GLRA1: variants seen among roughly 807,000 people sequenced by gnomAD.
GLRA1 encodes the protein glycine receptor subunit alpha-1.
A neutral mutation model predicts 48.3 loss-of-function variants in GLRA1; 37 were observed. That is an observed-to-expected ratio of 0.77 (90% CI 0.59 to 1.01). GLRA1 has a LOEUF of 1.01. Ranked by LOEUF, GLRA1 falls within the 50% of genes least tolerant of loss-of-function variation. GLRA1 has a pLI of 0.00. For missense variants in GLRA1, 427 were observed against 571.0 expected (o/e 0.75, Z 2.57); for synonymous variants, 196 against 210.7 (o/e 0.93, Z 0.60).
chr5:151,823,605 C>T (rs1402008988), intron 8 of GLRA1, among the ~76,000 whole-genome samples: 2 of 152,218 alleles, frequency 1.3e-5, no homozygotes, highest in South Asian at 2.1e-4. Context: ...CCTGCCTCTA[C>T]GTTCCCACAT....
At chr5:151,866,013 G>C (rs77425912) in intron 3 of GLRA1, among the ~76,000 whole-genome samples, 2 of 152,146 alleles carry the variant, frequency 1.3e-5, no homozygotes, top group Non-Finnish European at 2.9e-5. Context: ...TTCGACATGC[G>C]GGGGGCCATG....
In GLRA1 at chr5:151,867,187, T is replaced by C. The variant is rs114091016; in HGVS notation, c.253-7179A>G. On this transcript the variant is annotated intron_variant, in intron 3 of 8. Coordinates refer to ENST00000274576, the MANE Select transcript of GLRA1 (RefSeq NM_000171.4). ...CCATTAGAGATGATTTCCAGCCAAGTTGGGCAAATCTGGAAAAGCTTTTCA... is the reference window on the plus strand; with the variant it reads ...CCATTAGAGATGATTTCCAGCCAAGCTGGGCAAATCTGGAAAAGCTTTTCA... 5.1e-3 allele frequency among the ~76,000 whole-genome samples: 783 copies of C among 152,316 alleles called. 10 individuals are homozygous for C. The highest frequency in any genetic ancestry group is 0.017 in the African/African-American group (698 of 41,572).
At chr5:151,921,449 G>C (rs994650424) in intron 1 of GLRA1, among the ~76,000 whole-genome samples, 1 of 152,216 alleles carries the variant, frequency 6.6e-6, no homozygotes, top group Non-Finnish European at 1.5e-5. Context: ...GGGAGGTAGT[G>C]CTACTAGCAC....
chr5:151,863,320 G>A (rs1432429030), intron 3 of GLRA1, among the ~76,000 whole-genome samples: 1 of 152,268 alleles, frequency 6.6e-6, no homozygotes, highest in East Asian at 1.9e-4. Flanking sequence ...TACTCAGGAG[G>A]CTGAGGTAGG....
intron 7 of GLRA1, among the ~76,000 whole-genome samples, chr5:151,835,044 AAAAAAAG>A (rs1424144360): frequency 5.2e-4 from 79 of 150,912 alleles, no homozygotes; most frequent in African/African-American, 1.8e-3. Context: ...AAAAAAAAAA[AAAAAAAG>A]AGAAGAATGA....
chr5:151,909,167 G>T (rs894965023), intron 1 of GLRA1, among the ~76,000 whole-genome samples: 1 of 152,180 alleles, frequency 6.6e-6, no homozygotes, highest in African/African-American at 2.4e-5. Flanking sequence ...AGGGATTTCT[G>T]TCCATAAGGA....
At position 151,859,915 on chromosome 5, in the gene GLRA1, A is replaced by T. The variant is rs932099226; in HGVS notation, c.346T>A (p.Ser116Thr). ...YPDDSLDLDP[S>T]MLDSIWKPDL... ...GGTTTCCAGATGGAGTCCAGCATGGATGGGTCCAGGTCCAGAGAGTCGTCA... is the reference window on the plus strand; with the variant it reads ...GGTTTCCAGATGGAGTCCAGCATGGTTGGGTCCAGGTCCAGAGAGTCGTCA... The change falls in exon 4 of 9, where the codon TCC (serine) becomes ACC (threonine). Residue 116 changes from serine to threonine, a missense_variant. Around this residue, in one of 4 missense-constraint regions of GLRA1, gnomAD observed 271 missense variants for 434.9 expected, o/e 0.62. Coordinates refer to ENST00000274576, the MANE Select transcript of GLRA1 (RefSeq NM_000171.4). 5.6e-6 allele frequency: 9 copies of T among 1,614,036 alleles called. No homozygotes were observed. The highest frequency in any genetic ancestry group is 2.2e-5 in the South Asian group (2 of 91,076).
intron 3 of GLRA1, among the ~76,000 whole-genome samples, chr5:151,865,307 T>G (rs534174900): frequency 1.1e-3 from 169 of 152,178 alleles, no homozygotes; most frequent in Middle Eastern, 0.01. Context: ...CATCTGGACT[T>G]GGGGGTGGTG....
intron 7 of GLRA1, among the ~76,000 whole-genome samples, chr5:151,847,814 C>G (rs774500698): frequency 6.6e-6 from 1 of 151,598 alleles, no homozygotes; most frequent in Admixed American, 6.6e-5. Flanking sequence ...GTAAGGGTGA[C>G]TGAAAGAAAA....
chr5:151,854,489 G>C (rs76018032), intron 6 of GLRA1, among the ~76,000 whole-genome samples: 2 of 152,148 alleles, frequency 1.3e-5, no homozygotes, highest in African/African-American at 4.8e-5. Context: ...GACAGGATAC[G>C]CAAAGCCAGT....
At chr5:151,834,886 G>T (rs184267439) in intron 7 of GLRA1, among the ~76,000 whole-genome samples, 1 of 151,802 alleles carries the variant, frequency 6.6e-6, no homozygotes, top group African/African-American at 2.4e-5. Flanking sequence ...AAATTAGCCG[G>T]GCGTGGTGGC....
chr5:151,868,659 A>G (rs1269711901), intron 3 of GLRA1, among the ~76,000 whole-genome samples: 1 of 152,238 alleles, frequency 6.6e-6, no homozygotes, highest in African/African-American at 2.4e-5. Context: ...TCTGGCTGCT[A>G]TGACGTACCT....
chr5:151,912,730 G>A (rs1754646863), intron 1 of GLRA1, among the ~76,000 whole-genome samples: 1 of 152,160 alleles, frequency 6.6e-6, no homozygotes, highest in Admixed American at 6.5e-5. Flanking sequence ...AACAAACACT[G>A]AGTGTTTGAT....
intron 3 of GLRA1, among the ~76,000 whole-genome samples, chr5:151,884,427 T>TCAAAACAAAACAAAA (rs70976031): frequency 0.053 from 7,959 of 148,782 alleles, 274 homozygotes; most frequent in Middle Eastern, 0.12. Flanking sequence ...AAACTCTGTC[T>TCAAAACAAAACAAAA]CAAAACAAAA....
intron 3 of GLRA1, among the ~76,000 whole-genome samples, chr5:151,864,248 A>G (rs73285959): frequency 0.02 from 3,053 of 152,220 alleles, 99 homozygotes; most frequent in African/African-American, 0.064. Context: ...CCCCAGCTGC[A>G]CTTTTGATGT....
intron 7 of GLRA1, chr5:151,849,123 T>TCTTTCTTC (rs1380860050): frequency 4.9e-6 from 1 of 204,434 alleles, no homozygotes; most frequent in African/African-American, 4.9e-5. Context: ...TTTCTTTCTT[T>TCTTTCTTC]CTTTCTTTCT....
intron 7 of GLRA1, chr5:151,850,465 A>T: frequency 9.3e-7 from 1 of 1,071,032 alleles, no homozygotes; most frequent in Admixed American, 1.7e-5. Context: ...ATGTGGGAGG[A>T]GAATGGTCTG....
intron 4 of GLRA1, among the ~76,000 whole-genome samples, chr5:151,857,661 A>G (rs887585737): frequency 6.6e-6 from 1 of 152,212 alleles, no homozygotes; most frequent in African/African-American, 2.4e-5. Context: ...TGGGCTCCTC[A>G]GGATTCTGGG....
At chr5:151,910,941 C>CTATCCCCAGAACT (rs1189908487) in intron 1 of GLRA1, among the ~76,000 whole-genome samples, 2 of 152,180 alleles carry the variant, frequency 1.3e-5, no homozygotes, top group Non-Finnish European at 2.9e-5. Context: ...CTCAATGTAT[C>CTATCCCCAGAACT]TATCCCCAGA....
Sources: gnomAD v4.1 joint callset for allele counts (sites outside exome capture counted in the v4.1 genomes callset) on GRCh38, gnomAD v4.1.1 for gene constraint, gnomAD v4.1.1 regional missense constraint, MANE v1.5 for transcripts, NCBI Gene and HGNC (gene_info 2026-07-23, HGNC 2026-07-21) for gene names.